CDADC1: variants seen among roughly 807,000 people sequenced by gnomAD.
The protein encoded by CDADC1 is cytidine and dCMP deaminase domain containing 1.
Under a neutral mutation model 54.9 loss-of-function variants are expected in CDADC1, and 39 were observed. That is an observed-to-expected ratio of 0.71 (90% confidence interval 0.55 to 0.93). The LOEUF is 0.93. CDADC1 is among the 40% of genes least tolerant of loss of function. The pLI is 0.00. For missense variants in CDADC1, 518 were observed against 618.8 expected (o/e 0.84, Z 1.73); for synonymous variants, 186 against 204.0 (o/e 0.91, Z 0.75).
chr13:49,263,766 G>A (rs1226597168), intron 4 of CDADC1, among the ~76,000 whole-genome samples: 1 of 151,846 alleles, frequency 6.6e-6, no homozygotes, highest in Non-Finnish European at 1.5e-5. Context: ...TTTTTACAAA[G>A]CAAGTTACTT....
At chr13:49,280,130 T>C (rs1459621060) in intron 7 of CDADC1, among the ~76,000 whole-genome samples, 3 of 152,188 alleles carry the variant, frequency 2.0e-5, no homozygotes, top group Admixed American at 1.3e-4. Context: ...GCTCTTAAGG[T>C]ATCAGTTTCA....
intron 1 of CDADC1, 74 bp downstream of exon 1, chr13:49,248,193 A>G: frequency 7.6e-7 from 1 of 1,308,276 alleles, no homozygotes; most frequent in Non-Finnish European, 1.1e-6. Flanking sequence ...ATTGAACTCC[A>G]GATTCCTTGT....
rs940828451 is a variant in CDADC1 at position 49,292,278 on chromosome 13, CATA to C, written c.*523_*525del. On this transcript the variant is annotated 3_prime_UTR_variant, in exon 10 of 10. Coordinates refer to ENST00000251108, the MANE Select transcript of CDADC1 (RefSeq NM_030911.4). Reference sequence around the variant, plus strand: ...AGAATTTACTTAATTAGAATTGACTCATAAAAATAAAGTTAGTGGACTTTGTCT... The same window carrying C: ...AGAATTTACTTAATTAGAATTGACTCAAAATAAAGTTAGTGGACTTTGTCT... The C allele has an allele frequency of 1.0e-6, 1 of 976,218 alleles. No homozygotes were observed. The highest frequency in any genetic ancestry group is 1.8e-5 in the African/African-American group (1 of 56,994). The allele number at this position is 976,218 out of a possible 1,614,324, so 60.5% of individuals were successfully genotyped here.
chr13:49,255,894 T>C lies in CDADC1; in HGVS notation c.233T>C (p.Val78Ala), dbSNP rs1231725348. 8 of 1,611,124 alleles carry C rather than the reference T, an allele frequency of 5.0e-6. No homozygotes were observed. Among genetic ancestry groups the C allele is most frequent in the Non-Finnish European group, 6.8e-6 (8 of 1,179,148 alleles). The change falls in exon 3 of 10, where the codon GTA (valine) becomes GCA (alanine). Residue 78 changes from valine to alanine, a missense_variant. Coordinates refer to ENST00000251108, the MANE Select transcript of CDADC1 (RefSeq NM_030911.4). Reference sequence around the variant, plus strand: ...GGAGATAATGAAGAGAGGACCAGAGTATCTACTGACAAAAGACAGGTAAAT... The same window carrying C: ...GGAGATAATGAAGAGAGGACCAGAGCATCTACTGACAAAAGACAGGTAAAT... The part of the protein sequence containing the change: ...PLGDNEERTR[V>A]STDKRQVKRT...
At chr13:49,287,196 A>T (rs886569974) in intron 9 of CDADC1, among the ~76,000 whole-genome samples, 6 of 152,256 alleles carry the variant, frequency 3.9e-5, no homozygotes, top group Non-Finnish European at 2.9e-5. Flanking sequence ...GTCTCTAAAA[A>T]TAAAAATAAA....
Position 49,274,333 on chromosome 13 carries a change from G to A in CDADC1, c.1043G>A (p.Gly348Glu), listed in dbSNP as rs143438894. 4 of 1,610,380 alleles carry A rather than the reference G, an allele frequency of 2.5e-6. No individual in the cohort carries two copies. The South Asian group carries it at 3.3e-5, about 13-fold the overall frequency. The change falls in exon 6 of 10, where the codon GGG becomes GAG. Residue 348 changes from glycine (G) to glutamate (E), a missense_variant. By Grantham distance (98) the Gly-to-Glu change is moderately conservative. Transcript: ENST00000251108. ...TGVGAVIWAE[G>E]KSRSCDGTGA... ...GTTGGGGCAGTCATTTGGGCAGAAG[G>A]GAAATCTGTAAGTATGAAAACAATT... is the stretch of plus-strand genomic sequence containing the variant.
At position 49,265,835 on chromosome 13, in the gene CDADC1, A is replaced by G. The variant is rs563528396; in HGVS notation, c.431-1655A>G. ...CTCTGCTTTAGCATTTGCCACTAAT[A>G]CACAAATGTCTGTCTAAAGAGGATT... is the stretch of plus-strand genomic sequence containing the variant. On this transcript the variant is annotated intron_variant, in intron 4 of 9. Coordinates refer to ENST00000251108, the MANE Select transcript of CDADC1 (RefSeq NM_030911.4). 3 of 1,290,708 alleles carry G rather than the reference A, an allele frequency of 2.3e-6. No individual in the cohort carries two copies. In the South Asian group the frequency reaches 3.8e-5, roughly 16 times the overall value. The allele number at this position is 1,290,708 out of a possible 1,614,324, so 80.0% of individuals were successfully genotyped here. A position where few individuals can be genotyped will look rare whatever the true frequency, so the allele number is the denominator to read the frequency against.
At chr13:49,267,368 T>C in intron 4 of CDADC1, 122 bp from the exon 5 acceptor site, 1 of 851,496 alleles carries the variant, frequency 1.2e-6, no homozygotes, top group Non-Finnish European at 1.8e-6. Context: ...ATAGGTGACT[T>C]GGTAATAGAC....
At chr13:49,263,150 T>G (rs1357733840) in intron 4 of CDADC1, among the ~76,000 whole-genome samples, 1 of 152,242 alleles carries the variant, frequency 6.6e-6, no homozygotes, top group East Asian at 1.9e-4. Flanking sequence ...TGACAATGGT[T>G]AGTTAGACTT....
intron 2 of CDADC1, among the ~76,000 whole-genome samples, chr13:49,252,931 A>C (rs186208830): frequency 2.6e-5 from 4 of 152,180 alleles, no homozygotes; most frequent in African/African-American, 9.7e-5. Context: ...AATGTTGCCC[A>C]ATTTTGTGCC....
rs143043857 is a variant in CDADC1, at chr13:49,264,240, G to A, written c.431-3250G>A. On this transcript the variant is annotated intron_variant, in intron 4 of 9. Transcript: ENST00000251108. ...CAATGGAAGTTTCCTAACTGTGATG[G>A]TGCTTTAGGCAACTTCGGAGAATGA... 4.4e-3 allele frequency among the ~76,000 whole-genome samples: 664 copies of A among 152,278 alleles called. 5 individuals carry two copies. Among genetic ancestry groups the A allele is most frequent in the African/African-American group, 0.015 (633 of 41,546 alleles).
At chr13:49,275,413 A>G (rs977967485) in intron 6 of CDADC1, among the ~76,000 whole-genome samples, 2 of 151,466 alleles carry the variant, frequency 1.3e-5, no homozygotes, top group African/African-American at 4.9e-5. Flanking sequence ...AATATTAATA[A>G]TGTTAAAATT....
intron 6 of CDADC1, among the ~76,000 whole-genome samples, chr13:49,276,241 C>T (rs1226514197): frequency 6.6e-6 from 1 of 152,096 alleles, no homozygotes; most frequent in Non-Finnish European, 1.5e-5. Context: ...CCACATGTGG[C>T]TAGTGGCGAC....
chr13:49,286,360 A>T, intron 9 of CDADC1, 78 bp downstream of exon 9: 1 of 1,049,504 alleles, frequency 9.5e-7, no homozygotes, highest in Non-Finnish European at 1.5e-6. Flanking sequence ...TCAGGTGATG[A>T]AAATTGTGTT....
Position 49,292,692 on chromosome 13 carries a change from G to C in CDADC1, c.*935G>C, listed in dbSNP as rs11616334. On this transcript the variant is annotated 3_prime_UTR_variant, in exon 10 of 10. Transcript: ENST00000251108. ...GTCATTTCAGCTATTCCAGATTGCTGTCTGTGATTTCTCACATTTTTATTT... is the reference window on the plus strand; with the variant it reads ...GTCATTTCAGCTATTCCAGATTGCTCTCTGTGATTTCTCACATTTTTATTT... 24,567 of 1,256,126 alleles carry C rather than the reference G, an allele frequency of 0.02. 290 individuals are homozygous for C. The highest frequency in any genetic ancestry group is 0.034 in the Middle Eastern group (156 of 4,522). 77.8% of individuals were successfully genotyped at this position (1,256,126 alleles called of 1,614,324 possible). A position where few individuals can be genotyped will look rare whatever the true frequency, so the allele number is the denominator to read the frequency against.
At chr13:49,287,888 C>T (rs1025822897) in intron 9 of CDADC1, among the ~76,000 whole-genome samples, 1 of 151,082 alleles carries the variant, frequency 6.6e-6, no homozygotes, top group African/African-American at 2.4e-5. Flanking sequence ...GGAAGGATCT[C>T]TTAAGCATGA....
intron 5 of CDADC1, among the ~76,000 whole-genome samples, chr13:49,271,399 C>G (rs1952961229): frequency 6.6e-6 from 1 of 152,118 alleles, no homozygotes; most frequent in Non-Finnish European, 1.5e-5. Context: ...AAGGATTATG[C>G]CTTCCTCCTG....
chr13:49,260,785 G>A (rs764489439), intron 4 of CDADC1, among the ~76,000 whole-genome samples: 8 of 152,126 alleles, frequency 5.3e-5, no homozygotes, highest in Admixed American at 3.9e-4. Context: ...GGTGTTATTT[G>A]GGGGCCAAAA....
At chr13:49,279,036 A>C (rs1456963962) in intron 7 of CDADC1, among the ~76,000 whole-genome samples, 1 of 152,182 alleles carries the variant, frequency 6.6e-6, no homozygotes, top group Admixed American at 6.5e-5. Flanking sequence ...ATTGTGTTAC[A>C]ATGGCCTGCA....
Sources: gnomAD v4.1 joint callset for allele counts (sites outside exome capture counted in the v4.1 genomes callset) on GRCh38, gnomAD v4.1.1 for gene constraint, MANE v1.5 for transcripts, NCBI Gene and HGNC (gene_info 2026-07-23, HGNC 2026-07-21) for gene names.